Variants in WDR7 observed in about 807,000 individuals in gnomAD.
WDR7 encodes the protein WD repeat-containing protein 7.
A neutral mutation model predicts 169.4 loss-of-function variants in WDR7; 46 were observed. The observed-to-expected ratio is 0.27, with a 90% CI of 0.21 to 0.35. The LOEUF (loss-of-function observed/expected upper bound fraction) is 0.35, where lower values mean the gene tolerates loss of function less well. Ranked by LOEUF, WDR7 falls within the 10% of genes least tolerant of loss-of-function variation. The probability of loss-of-function intolerance (pLI) is 1.00; values close to 1 mark genes in which losing one functional copy is unlikely to be tolerated. For synonymous variants in WDR7, 612 were observed against 666.8 expected (o/e 0.92, Z 1.27); for missense variants, 1,534 against 1,859.3 (o/e 0.83, Z 3.22).
intron 19 of WDR7, among the ~76,000 whole-genome samples, chr18:56,797,704 GAAAC>G (rs1346068086): frequency 1.3e-5 from 2 of 151,804 alleles, no homozygotes; most frequent in Non-Finnish European, 2.9e-5. Flanking sequence ...CATTCCCAAA[GAAAC>G]AACCCCATCT....
intron 2 of WDR7, among the ~76,000 whole-genome samples, chr18:56,677,034 G>A (rs1241874796): frequency 6.6e-6 from 1 of 152,150 alleles, no homozygotes; most frequent in Non-Finnish European, 1.5e-5. Flanking sequence ...ACACAACATA[G>A]TTACAGTGTT....
intron 26 of WDR7, among the ~76,000 whole-genome samples, chr18:57,011,401 A>G (rs1476911914): frequency 6.7e-6 from 1 of 149,824 alleles, no homozygotes; most frequent in East Asian, 1.9e-4. Flanking sequence ...TTGAGGCATT[A>G]TATCTTACAA....
intron 19 of WDR7, among the ~76,000 whole-genome samples, chr18:56,795,887 C>T (rs540815373): frequency 1.3e-5 from 2 of 152,224 alleles, no homozygotes; most frequent in East Asian, 3.9e-4. Flanking sequence ...AAGTTGATAA[C>T]ACAGTTACAT....
chr18:56,727,822 A>T (rs1277797060), intron 13 of WDR7, among the ~76,000 whole-genome samples: 1 of 152,182 alleles, frequency 6.6e-6, no homozygotes, highest in Non-Finnish European at 1.5e-5. Flanking sequence ...CTCCCACCCC[A>T]GGAAGTTAAT....
intron 13 of WDR7, among the ~76,000 whole-genome samples, chr18:56,730,688 C>A (rs141199399): frequency 5.3e-5 from 8 of 152,046 alleles, no homozygotes; most frequent in African/African-American, 1.9e-4. Flanking sequence ...ATGATGTGAA[C>A]CCAGGAGGCG....
intron 26 of WDR7, among the ~76,000 whole-genome samples, chr18:56,972,692 G>A (rs2047506497): frequency 6.6e-6 from 1 of 152,128 alleles, no homozygotes; most frequent in South Asian, 2.1e-4. Flanking sequence ...AAAACTTCTA[G>A]GTAGAGAAAC....
At chr18:56,980,826 A>G (rs2082630473) in intron 26 of WDR7, among the ~76,000 whole-genome samples, 1 of 152,138 alleles carries the variant, frequency 6.6e-6, no homozygotes, top group Admixed American at 6.5e-5. Context: ...AATGGGAGGA[A>G]AGGGAACCTG....
chr18:56,811,241 C>T lies in WDR7; in HGVS notation c.3191-4790C>T, dbSNP rs559609745. 9.2e-5 allele frequency among the ~76,000 whole-genome samples: 14 copies of T among 152,130 alleles called. No individual in the cohort carries two copies. In the East Asian group the frequency reaches 2.7e-3, roughly 29 times the overall value. On this transcript the variant is annotated intron_variant, in intron 19 of 27. Transcript: ENST00000254442. Reference sequence around the variant, plus strand: ...TATGAATAATGCTGCTGTGAATGTTCGTGTAGATGCTTTTGTGTGGACATA... The same window carrying T: ...TATGAATAATGCTGCTGTGAATGTTTGTGTAGATGCTTTTGTGTGGACATA...
In WDR7 at chr18:56,695,080, G is replaced by A. The variant is rs1164720735; in HGVS notation, c.1239G>A (p.Val413=). The A allele has an allele frequency of 6.2e-6, 10 of 1,614,016 alleles. No individual in the cohort carries two copies. Among genetic ancestry groups the A allele is most frequent in the Admixed American group, 3.3e-5 (2 of 59,998 alleles). ...SNEPLKVTAS[V]YIPAHGRLVC... ...AACCTCTTAAAGTAACTGCAAGTGTGTACATACCAGCACATGGACGACTTG... is the reference window on the plus strand; with the variant it reads ...AACCTCTTAAAGTAACTGCAAGTGTATACATACCAGCACATGGACGACTTG... Residue 413 remains valine, a synonymous_variant, in exon 11 of 28, where the codon GTG becomes GTA. Transcript: ENST00000254442.
chr18:56,980,369 C>G (rs1182242987), intron 26 of WDR7, among the ~76,000 whole-genome samples: 1 of 152,060 alleles, frequency 6.6e-6, no homozygotes, highest in South Asian at 2.1e-4. Context: ...GGTGTGGAGC[C>G]GTGTGTAGAA....
intron 20 of WDR7, among the ~76,000 whole-genome samples, chr18:56,838,619 T>G (rs2145315284): frequency 6.6e-6 from 1 of 152,296 alleles, no homozygotes; most frequent in African/African-American, 2.4e-5. Context: ...TGGTACTAAT[T>G]TTAATTTTGC....
At chr18:56,910,819 C>G (rs1443610569) in intron 21 of WDR7, among the ~76,000 whole-genome samples, 3 of 152,110 alleles carry the variant, frequency 2.0e-5, no homozygotes, top group Non-Finnish European at 4.4e-5. Flanking sequence ...ATTATAGTAT[C>G]TTGTGCTTTA....
intron 20 of WDR7, among the ~76,000 whole-genome samples, chr18:56,863,692 C>T (rs1019193574): frequency 2.8e-4 from 42 of 151,686 alleles, no homozygotes; most frequent in Admixed American, 2.6e-3. Flanking sequence ...TGGATATTAA[C>T]CTTTTCTCTT....
chr18:56,682,947 G>T, intron 5 of WDR7, 94 bp downstream of exon 5: 2 of 1,304,512 alleles, frequency 1.5e-6, no homozygotes, highest in South Asian at 1.4e-5. Flanking sequence ...TAATACTTTG[G>T]GATATATTCT....
At chr18:56,914,230 C>G (rs527471429) in intron 21 of WDR7, among the ~76,000 whole-genome samples, 2 of 152,332 alleles carry the variant, frequency 1.3e-5, no homozygotes, top group Admixed American at 6.5e-5. Context: ...TCTCTTTCAT[C>G]TCACTCAAGT....
At chr18:56,695,312 T>C (rs2025674819) in intron 11 of WDR7, 114 bp downstream of exon 11, 3 of 1,366,978 alleles carry the variant, frequency 2.2e-6, no homozygotes, top group Admixed American at 4.7e-5. Flanking sequence ...TAGTTAGTTG[T>C]TGGGGTGCTA....
At chr18:56,891,974 T>A (rs2046269882) in intron 21 of WDR7, among the ~76,000 whole-genome samples, 1 of 152,148 alleles carries the variant, frequency 6.6e-6, no homozygotes, top group Non-Finnish European at 1.5e-5. Flanking sequence ...TTGCTCTTAC[T>A]TGTAAATAAT....
chr18:56,691,857 T>C (rs376747688), intron 9 of WDR7, 40 bp downstream of exon 9: 5 of 1,491,298 alleles, frequency 3.4e-6, no homozygotes, highest in Non-Finnish European at 4.6e-6. Context: ...GAAAGTTACA[T>C]TGAAAAACTT....
At chr18:56,981,280 T>C (rs2145831021) in intron 26 of WDR7, among the ~76,000 whole-genome samples, 1 of 152,192 alleles carries the variant, frequency 6.6e-6, no homozygotes, top group Non-Finnish European at 1.5e-5. Context: ...GAGCAATTTG[T>C]GGAATAAAGA....
Sources: gnomAD v4.1 joint callset for allele counts (sites outside exome capture counted in the v4.1 genomes callset) on GRCh38, gnomAD v4.1.1 for gene constraint, MANE v1.5 for transcripts, NCBI Gene and HGNC (gene_info 2026-07-23, HGNC 2026-07-21) for gene names.